The following ST18 variants were observed in gnomAD, a reference collection of about 807,000 sequenced individuals.
ST18 encodes suppression of tumorigenicity 18 protein.
Under a neutral mutation model 110.0 loss-of-function variants are expected in ST18, and 50 were observed. The ratio of observed to expected loss-of-function variants is 0.45; its 90% confidence interval spans 0.36 to 0.58. The LOEUF (loss-of-function observed/expected upper bound fraction) is 0.58. ST18 is among the 20% of genes least tolerant of loss of function. ST18 has a pLI of 0.00. For missense variants in ST18, 1,306 were observed against 1,280.1 expected (o/e 1.02, Z -0.31); for synonymous variants, 461 against 452.4 (o/e 1.02, Z -0.24).
At position 52,165,215 on chromosome 8, in the gene ST18, C is replaced by T. The variant is rs1477974612; in HGVS notation, c.1215G>A (p.Met405Ile). 1.9e-6 allele frequency: 3 copies of T among 1,614,078 alleles called. No individual in the cohort carries two copies. Among genetic ancestry groups the T allele is most frequent in the African/African-American group, 2.7e-5 (2 of 74,948 alleles). The change falls in exon 12 of 26, where the codon ATG becomes ATA. Residue 405 changes from methionine to isoleucine, a missense_variant. Transcript: ENST00000689386. Reference sequence around the variant, plus strand: ...TGGGACACTTGAGCACATTTTCATGCATGGCAAGAACTAAGCACAAAACAA... The same window carrying T: ...TGGGACACTTGAGCACATTTTCATGTATGGCAAGAACTAAGCACAAAACAA... ...KVRVPLEILAMHENVLKCPTP... is the reference protein window; with the variant it reads ...KVRVPLEILAIHENVLKCPTP...
chr8:52,402,125 TG>T (rs1194359637), intron 2 of ST18, among the ~76,000 whole-genome samples: 1 of 152,082 alleles, frequency 6.6e-6, no homozygotes, highest in Non-Finnish European at 1.5e-5. Context: ...GGTGGTGGCA[TG>T]GTAGTTTGTT....
chr8:52,263,664 T>G (rs1433258670), intron 2 of ST18, among the ~76,000 whole-genome samples: 2 of 151,190 alleles, frequency 1.3e-5, no homozygotes, highest in African/African-American at 4.8e-5. Flanking sequence ...AGGCTAGTCT[T>G]GAACTCCTGA....
chr8:52,404,843 A>T (rs907927596), intron 2 of ST18: 13 of 152,184 alleles, frequency 8.5e-5, no homozygotes, highest in East Asian at 1.9e-4. Flanking sequence ...ATATCTTTTT[A>T]AAAAAATTAT....
rs553690279 is a variant in ST18 at position 52,246,118 on chromosome 8, T to A, written c.-464-16041A>T. Among the ~76,000 whole-genome samples, 25 of 152,256 alleles carry A rather than the reference T, an allele frequency of 1.6e-4. No individual in the cohort carries two copies. In the South Asian group the frequency reaches 3.9e-3, roughly 24 times the overall value. ...ATACTCGTAAAGAAATTCAGATATC[T>A]CTTGAGTTCACTGGAATGGAATTTT... On this transcript the variant is annotated intron_variant, in intron 2 of 25. Transcript: ENST00000689386.
rs781527610 is a variant in ST18 at position 52,159,151 on chromosome 8, TTTAG to T, written c.1595-46_1595-43del. ...TGATTAGCAATTGCATGTACATGGT[TTTAG>T]TCATTAAACAGATTTGTTTTTTTTA... On this transcript the variant is annotated intron_variant, in intron 14 of 25. Transcript: ENST00000689386. 2.4e-5 allele frequency: 38 copies of T among 1,571,172 alleles called. No individual in the cohort carries two copies. The East Asian group carries it at 8.1e-4, about 33-fold the overall frequency.
At chr8:52,152,531 C>T (rs2132630251) in intron 15 of ST18, among the ~76,000 whole-genome samples, 1 of 152,286 alleles carries the variant, frequency 6.6e-6, no homozygotes, top group Middle Eastern at 3.4e-3. Context: ...GGGGACATCC[C>T]AGGCCATCGA....
intron 2 of ST18, chr8:52,403,477 T>C (rs1461146546): frequency 6.6e-6 from 1 of 152,190 alleles, no homozygotes; most frequent in Non-Finnish European, 1.5e-5. Flanking sequence ...TCCACAATGG[T>C]AATAGGGGCT....
chr8:52,112,476 G>T lies in ST18; in HGVS notation c.*722C>A, dbSNP rs1041962389. The T allele has an allele frequency of 6.6e-6, 1 of 152,606 alleles. No individual in the cohort carries two copies. The highest frequency in any genetic ancestry group is 1.5e-5 in the Non-Finnish European group (1 of 68,032). The allele number at this position is 152,606 out of a possible 1,614,324, so 9.5% of individuals were successfully genotyped here. ...TTAACGAAAACCGTCCAGCCAAGTC[G>T]AATACTTTGCTGATTGCTATATTTA... On this transcript the variant is annotated 3_prime_UTR_variant, in exon 26 of 26. Coordinates refer to ENST00000689386, the MANE Select transcript of ST18 (RefSeq NM_001352837.2).
intron 9 of ST18, among the ~76,000 whole-genome samples, chr8:52,173,734 G>A (rs2065859272): frequency 6.6e-6 from 1 of 152,020 alleles, no homozygotes; most frequent in African/African-American, 2.4e-5. Flanking sequence ...AGGGTGGGGG[G>A]ATGGGAAGCA....
intron 16 of ST18, among the ~76,000 whole-genome samples, chr8:52,143,992 T>C (rs1158528286): frequency 6.6e-6 from 1 of 152,226 alleles, no homozygotes. Flanking sequence ...AATGGGTATC[T>C]TGTAGCACTT....
intron 3 of ST18, among the ~76,000 whole-genome samples, chr8:52,226,444 G>A (rs145953242): frequency 1.0e-3 from 156 of 152,258 alleles, no homozygotes; most frequent in African/African-American, 3.5e-3. Context: ...GAAAGGAAAT[G>A]TTCAGACTTC....
chr8:52,401,865 T>C (rs1281414063), intron 2 of ST18, among the ~76,000 whole-genome samples: 1 of 152,194 alleles, frequency 6.6e-6, no homozygotes, highest in East Asian at 1.9e-4. Flanking sequence ...CTTTTTCATA[T>C]TTCTTATGTC....
intron 2 of ST18, among the ~76,000 whole-genome samples, chr8:52,245,537 GTT>G (rs2093774756): frequency 6.6e-6 from 1 of 152,002 alleles, no homozygotes; most frequent in Non-Finnish European, 1.5e-5. Context: ...AGCTAGCTTT[GTT>G]TACCTTTAAA....
At chr8:52,380,740 C>T (rs1308441931) in intron 2 of ST18, among the ~76,000 whole-genome samples, 1 of 152,142 alleles carries the variant, frequency 6.6e-6, no homozygotes, top group Non-Finnish European at 1.5e-5. Context: ...CTCCTAGAGG[C>T]CTGGCAATTG....
intron 2 of ST18, among the ~76,000 whole-genome samples, chr8:52,329,752 C>T (rs1808288464): frequency 6.6e-6 from 1 of 151,988 alleles, no homozygotes; most frequent in Non-Finnish European, 1.5e-5. Context: ...CAGAGCGAGG[C>T]TCTGTCTAAA....
intron 19 of ST18, 83 bp from the exon 20 acceptor site, chr8:52,133,384 A>C (rs2050566781): frequency 6.7e-7 from 1 of 1,492,174 alleles, no homozygotes; most frequent in Non-Finnish European, 9.3e-7. Context: ...TAGGTTCTTC[A>C]GTAATCACAT....
At chr8:52,294,379 T>C (rs780097236) in intron 2 of ST18, 1 of 152,230 alleles carries the variant, frequency 6.6e-6, no homozygotes, top group Non-Finnish European at 1.5e-5. Context: ...CTGCCTTGAA[T>C]GTAAATAGGG....
chr8:52,373,547 A>C, intron 2 of ST18, among the ~76,000 whole-genome samples: 1 of 150,810 alleles, frequency 6.6e-6, no homozygotes. Flanking sequence ...AAGCCAGCAG[A>C]CTCCACACAA....
At chr8:52,205,866 C>G (rs2079840998) in intron 8 of ST18, among the ~76,000 whole-genome samples, 1 of 152,124 alleles carries the variant, frequency 6.6e-6, no homozygotes, top group Non-Finnish European at 1.5e-5. Context: ...CTACGCCCGG[C>G]CAGTGGTCTC....
Sources: gnomAD v4.1 joint callset for allele counts (sites outside exome capture counted in the v4.1 genomes callset) on GRCh38, gnomAD v4.1.1 for gene constraint, MANE v1.5 for transcripts, NCBI Gene and HGNC (gene_info 2026-07-23, HGNC 2026-07-21) for gene names.